Variants in PTPRN2 observed in about 807,000 individuals in gnomAD.
PTPRN2 encodes the protein protein tyrosine phosphatase receptor type N2.
Under a neutral mutation model 118.8 loss-of-function variants are expected in PTPRN2, and 74 were observed. That is an observed-to-expected ratio of 0.62 (90% CI 0.52 to 0.76). PTPRN2 has a LOEUF of 0.76. Among genes scored for constraint, PTPRN2 ranks in the 30% least tolerant of loss-of-function variants. The pLI, the probability that PTPRN2 is intolerant of heterozygous loss-of-function variation, is 0.00. For missense variants in PTPRN2, 1,481 were observed against 1,394.4 expected (o/e 1.06, Z -0.99); for synonymous variants, 641 against 608.0 (o/e 1.05, Z -0.80).
chr7:158,481,447 A>C (rs1042553487), intron 2 of PTPRN2, among the ~76,000 whole-genome samples: 1 of 152,222 alleles, frequency 6.6e-6, no homozygotes, highest in Non-Finnish European at 1.5e-5. Flanking sequence ...GGATCAAAAA[A>C]TAATTTCCAT....
chr7:158,125,936 C>T lies in PTPRN2; in HGVS notation c.1556+7741G>A, dbSNP rs530557816. Among the ~76,000 whole-genome samples, 3 of 152,322 alleles carry T rather than the reference C, an allele frequency of 2.0e-5. No homozygotes were observed. The East Asian group carries it at 5.8e-4, about 29-fold the overall frequency. ...CTCGTGATGCGCTCTTCTCGCTGAA[C>T]CCCTGAGGGGCTCCTGAGCGGTGAG... On this transcript the variant is annotated intron_variant, in intron 9 of 22. Transcript: ENST00000389418.
At position 158,363,743 on chromosome 7, in the gene PTPRN2, G is replaced by A. The variant is rs945001898; in HGVS notation, c.164-46811C>T. On this transcript the variant is annotated intron_variant, in intron 2 of 22. Transcript: ENST00000389418. ...GAGCCAGGAGAGGTCGGGAGGGGGC[G>A]GGGCACGGGCCTGGGAAGCGGCTGG... 8.5e-5 allele frequency among the ~76,000 whole-genome samples: 13 copies of A among 152,180 alleles called. No homozygotes were observed. In the East Asian group the frequency reaches 1.9e-3, roughly 23 times the overall value.
chr7:158,267,431 TG>T (rs1797960629), intron 3 of PTPRN2, among the ~76,000 whole-genome samples: 1 of 152,114 alleles, frequency 6.6e-6, no homozygotes, highest in African/African-American at 2.4e-5. Context: ...GTGTGAGTGT[TG>T]ATTGTGGACA....
chr7:158,446,017 C>T (rs1056510999), intron 2 of PTPRN2, among the ~76,000 whole-genome samples: 1 of 152,188 alleles, frequency 6.6e-6, no homozygotes, highest in East Asian at 1.9e-4. Flanking sequence ...TTCGGACCAC[C>T]CCACGTGAGA....
chr7:157,735,191 G>A (rs1445480014), intron 12 of PTPRN2, among the ~76,000 whole-genome samples: 1 of 152,246 alleles, frequency 6.6e-6, no homozygotes, highest in Non-Finnish European at 1.5e-5. Flanking sequence ...GTGTTCATGT[G>A]CACAGCCACA....
intron 6 of PTPRN2, among the ~76,000 whole-genome samples, chr7:158,158,662 T>C (rs13222028): frequency 0.011 from 250 of 23,100 alleles, 4 homozygotes; most frequent in Non-Finnish European, 0.016. Flanking sequence ...GCAAGTGCTT[T>C]CTGAATGAAT....
intron 11 of PTPRN2, among the ~76,000 whole-genome samples, chr7:158,072,578 C>A (rs1812029266): frequency 6.7e-6 from 1 of 150,112 alleles, no homozygotes; most frequent in Non-Finnish European, 1.5e-5. Flanking sequence ...CCCTCCCTAC[C>A]CATCCCAGGC....
intron 3 of PTPRN2, among the ~76,000 whole-genome samples, chr7:158,279,609 G>A (rs917830749): frequency 2.0e-5 from 3 of 152,232 alleles, no homozygotes; most frequent in Admixed American, 6.5e-5. Flanking sequence ...CCCAGCAGGT[G>A]CCGGCCAGTC....
chr7:158,387,575 T>TGAAGCACTCTTTGGGTC, intron 2 of PTPRN2, among the ~76,000 whole-genome samples: 1 of 150,946 alleles, frequency 6.6e-6, no homozygotes, highest in Admixed American at 6.6e-5. Context: ...CCCTGTCAGC[T>TGAAGCACTCTTTGGGTC]CAGCTTGGCC....
chr7:158,057,760 T>A (rs1809907070), intron 11 of PTPRN2, among the ~76,000 whole-genome samples: 1 of 152,190 alleles, frequency 6.6e-6, no homozygotes, highest in Non-Finnish European at 1.5e-5. Context: ...GCGTGGCTGC[T>A]TGGGACCCCT....
chr7:158,407,777 A>G (rs1813715110), intron 2 of PTPRN2, among the ~76,000 whole-genome samples: 1 of 152,244 alleles, frequency 6.6e-6, no homozygotes, highest in Admixed American at 6.5e-5. Flanking sequence ...TGCAGCCCCA[A>G]CCTGGAATCC....
intron 2 of PTPRN2, among the ~76,000 whole-genome samples, chr7:158,357,708 C>G (rs898112160): frequency 3.9e-5 from 6 of 152,240 alleles, no homozygotes; most frequent in African/African-American, 1.4e-4. Flanking sequence ...GGACCCAGCT[C>G]TTATGTCCCG....
intron 14 of PTPRN2, among the ~76,000 whole-genome samples, chr7:157,638,574 TCAAA>T (rs1282794619): frequency 1.3e-5 from 2 of 152,256 alleles, no homozygotes; most frequent in Non-Finnish European, 2.9e-5. Flanking sequence ...AGCTGATATG[TCAAA>T]CAGTGTTTTC....
intron 12 of PTPRN2, among the ~76,000 whole-genome samples, chr7:157,811,335 TA>T (rs201449324): frequency 0.069 from 1,135 of 16,364 alleles, 40 homozygotes; most frequent in Admixed American, 0.33. Flanking sequence ...TACTCTATTA[TA>T]TATATATATA....
intron 3 of PTPRN2, among the ~76,000 whole-genome samples, chr7:158,273,582 GCAGA>G (rs1798689176): frequency 1.1e-5 from 1 of 94,164 alleles, no homozygotes; most frequent in Non-Finnish European, 2.0e-5. Flanking sequence ...AGGGGGAGCC[GCAGA>G]CAGACATGGG....
At position 157,603,893 on chromosome 7, in the gene PTPRN2, G is replaced by A. The variant is rs953385647; in HGVS notation, c.2418+109C>T. 1.1e-5 allele frequency: 11 copies of A among 1,044,428 alleles called. No individual in the cohort carries two copies. The African/African-American group carries it at 1.1e-4, about 10-fold the overall frequency. The allele number at this position is 1,044,428 out of a possible 1,614,324, so 64.7% of individuals were successfully genotyped here. On this transcript the variant is annotated intron_variant, in intron 16 of 22. Transcript: ENST00000389418. This position sits in a 1 kb window ranked among gnomAD's most constrained non-coding sequence, Gnocchi z 5.4. ...AGTCGGCCCTGTCCACCGCAGAGAC[G>A]CTGAGCTGGGTGGGGACGTGATTTC...
In PTPRN2 at chr7:158,188,278, G is replaced by T. The variant is rs866013237; in HGVS notation, c.549+4049C>A. ...AGGCCGCCACGCTCGCCCCCTGTAT[G>T]GGGAAGGCCGCCACGCTCGCCCCCT... On this transcript the variant is annotated intron_variant, in intron 5 of 22. Coordinates refer to ENST00000389418, the MANE Select transcript of PTPRN2 (RefSeq NM_002847.5). Among the ~76,000 whole-genome samples, 595 of 87,054 alleles carry T rather than the reference G, an allele frequency of 6.8e-3. 22 individuals carry two copies. The highest frequency in any genetic ancestry group is 0.025 in the Middle Eastern group (3 of 120). The allele number at this position is 87,054 out of a possible 152,430, so 57.1% of individuals were successfully genotyped here.
intron 9 of PTPRN2, among the ~76,000 whole-genome samples, chr7:158,131,166 ACAT>A (rs1181450306): frequency 1.3e-5 from 2 of 151,334 alleles, no homozygotes; most frequent in African/African-American, 2.4e-5. Flanking sequence ...CCGAAGATGC[ACAT>A]CATACCAATA....
chr7:158,404,364 C>T (rs1299857400), intron 2 of PTPRN2, among the ~76,000 whole-genome samples: 1 of 152,140 alleles, frequency 6.6e-6, no homozygotes, highest in African/African-American at 2.4e-5. Flanking sequence ...TCTGTGTGTG[C>T]CTTTGAAGGT....
Sources: allele counts gnomAD v4.1 joint callset (sites outside exome capture counted in the v4.1 genomes callset), GRCh38; gene constraint gnomAD v4.1.1; non-coding constraint Gnocchi (gnomAD v3.1); transcripts MANE v1.5; gene names NCBI Gene and HGNC (gene_info 2026-07-23, HGNC 2026-07-21).